The following FBXL7 variants were observed in gnomAD, a reference collection of about 807,000 sequenced individuals.
FBXL7 encodes F-box and leucine rich repeat protein 7, also known as F-box/LRR-repeat protein 7.
In FBXL7, 12 loss-of-function variants were observed where a neutral mutation model predicts 38.3. That is an observed-to-expected ratio of 0.31 (90% CI 0.20 to 0.51). The LOEUF (loss-of-function observed/expected upper bound fraction) is 0.51, where lower values mean the gene tolerates loss of function less well. FBXL7 is among the 20% of genes least tolerant of loss of function. The pLI is 0.98. For synonymous variants in FBXL7, 297 were observed against 300.9 expected (o/e 0.99, Z 0.13); for missense variants, 567 against 676.4 (o/e 0.84, Z 1.79).
rs574611834 is a variant in FBXL7 at position 15,729,468 on chromosome 5, CT to C, written c.127+113403del. On this transcript the variant is annotated intron_variant, in intron 2 of 3. Transcript: ENST00000504595. Reference sequence around the variant, plus strand: ...CATGTAAAATTTCTGTTATTAGCCTCTTTTTTTGACTATGACTTCCTTATAA... The same window carrying C: ...CATGTAAAATTTCTGTTATTAGCCTCTTTTTTGACTATGACTTCCTTATAA... Among the ~76,000 whole-genome samples, 10 of 152,084 alleles carry C rather than the reference CT, an allele frequency of 6.6e-5. No homozygotes were observed. In the South Asian group the frequency reaches 2.1e-3, roughly 32 times the overall value.
chr5:15,670,062 C>T (rs1459202730), intron 2 of FBXL7, among the ~76,000 whole-genome samples: 4 of 152,124 alleles, frequency 2.6e-5, no homozygotes, highest in Admixed American at 2.6e-4. Flanking sequence ...TAGTATGTAG[C>T]AGATGTGTAA....
chr5:15,873,951 C>T (rs1307991687), intron 2 of FBXL7, among the ~76,000 whole-genome samples: 1 of 152,088 alleles, frequency 6.6e-6, no homozygotes, highest in African/African-American at 2.4e-5. Context: ...CAAAACCTGG[C>T]AGAGACACAC....
chr5:15,920,933 A>G (rs945320169), intron 2 of FBXL7, among the ~76,000 whole-genome samples: 1 of 152,184 alleles, frequency 6.6e-6, no homozygotes, highest in African/African-American at 2.4e-5. Context: ...CAAAATATAC[A>G]TCCTATTGCA....
At chr5:15,763,112 T>C (rs779839284) in intron 2 of FBXL7, among the ~76,000 whole-genome samples, 5 of 152,188 alleles carry the variant, frequency 3.3e-5, no homozygotes, top group African/African-American at 7.2e-5. Context: ...TTCTAATTTC[T>C]TGTGGACTTA....
At chr5:15,772,310 TGAACTGTGGA>T (rs1736750094) in intron 2 of FBXL7, among the ~76,000 whole-genome samples, 2 of 152,174 alleles carry the variant, frequency 1.3e-5, no homozygotes, top group African/African-American at 4.8e-5. Flanking sequence ...TCCTGGAAAC[TGAACTGTGGA>T]ATACTTGATG....
chr5:15,665,112 A>G (rs1742226806), intron 2 of FBXL7, among the ~76,000 whole-genome samples: 1 of 152,180 alleles, frequency 6.6e-6, no homozygotes, highest in Non-Finnish European at 1.5e-5. Flanking sequence ...TGCTTTTAAT[A>G]AAAGAGAGAT....
chr5:15,915,992 A>G (rs1034473318), intron 2 of FBXL7, among the ~76,000 whole-genome samples: 3 of 152,194 alleles, frequency 2.0e-5, no homozygotes, highest in African/African-American at 7.2e-5. Context: ...CTAGGGTTCT[A>G]TCCTGGGAGG....
intron 2 of FBXL7, among the ~76,000 whole-genome samples, chr5:15,678,041 C>G (rs1424629228): frequency 6.6e-6 from 1 of 152,118 alleles, no homozygotes; most frequent in Non-Finnish European, 1.5e-5. Flanking sequence ...TCCCATATGT[C>G]CTTCTGTCTC....
rs10080033 is a variant in FBXL7 at position 15,530,316 on chromosome 5, A to G, written c.37+29603A>G. On this transcript the variant is annotated intron_variant, in intron 1 of 3. Coordinates refer to ENST00000504595, the MANE Select transcript of FBXL7 (RefSeq NM_012304.5). ...GGTTACCCTTCTCTATACAAACTCC[A>G]TATTGTTAATGTCCTTCTTGGAATA... Among the ~76,000 whole-genome samples the G allele has an allele frequency of 3.0e-3, 462 of 152,308 alleles. 4 individuals carry two copies. The highest frequency in any genetic ancestry group is 0.02 in the Middle Eastern group (6 of 294).
At chr5:15,671,734 G>A (rs949878141) in intron 2 of FBXL7, among the ~76,000 whole-genome samples, 8 of 152,296 alleles carry the variant, frequency 5.3e-5, no homozygotes, top group Non-Finnish European at 7.4e-5. Context: ...TTTGTCAATG[G>A]TGGTATAATT....
intron 2 of FBXL7, among the ~76,000 whole-genome samples, chr5:15,624,652 G>C (rs1027916377): frequency 6.6e-6 from 1 of 152,098 alleles, no homozygotes. Context: ...CATCATTTTC[G>C]AGCTGTTGTT....
At chr5:15,532,009 A>G (rs1318856195) in intron 1 of FBXL7, among the ~76,000 whole-genome samples, 1 of 152,236 alleles carries the variant, frequency 6.6e-6, no homozygotes, top group Non-Finnish European at 1.5e-5. Flanking sequence ...AATTTTAGTG[A>G]GAATATCATA....
At chr5:15,508,670 G>T (rs1194725659) in intron 1 of FBXL7, among the ~76,000 whole-genome samples, 1 of 152,124 alleles carries the variant, frequency 6.6e-6, no homozygotes. Flanking sequence ...TTGATGAAGG[G>T]TTATTAGTTC....
intron 2 of FBXL7, among the ~76,000 whole-genome samples, chr5:15,668,368 T>TTGTGTGTGTGTGTGTG (rs148728974): frequency 2.7e-5 from 4 of 145,766 alleles, no homozygotes; most frequent in African/African-American, 1.0e-4. Context: ...ATATTTGTGT[T>TTGTGTGTGTGTGTGTG]TGTGTGTGTG....
intron 2 of FBXL7, among the ~76,000 whole-genome samples, chr5:15,721,509 T>A (rs1361973178): frequency 6.6e-6 from 1 of 152,178 alleles, no homozygotes; most frequent in Non-Finnish European, 1.5e-5. Context: ...ATGAAGTTAT[T>A]CATATTCTTT....
chr5:15,818,249 C>T (rs188893027), intron 2 of FBXL7, among the ~76,000 whole-genome samples: 16 of 152,206 alleles, frequency 1.1e-4, no homozygotes, highest in African/African-American at 3.4e-4. Context: ...AACCTGTAGA[C>T]GCTAGAGATA....
chr5:15,859,092 A>G (rs1011967118), intron 2 of FBXL7, among the ~76,000 whole-genome samples: 1 of 152,204 alleles, frequency 6.6e-6, no homozygotes, highest in Non-Finnish European at 1.5e-5. Context: ...GAAGCCATCC[A>G]ATTGTCTGTG....
chr5:15,721,433 A>T (rs886772256), intron 2 of FBXL7, among the ~76,000 whole-genome samples: 1 of 152,162 alleles, frequency 6.6e-6, no homozygotes, highest in Non-Finnish European at 1.5e-5. Flanking sequence ...ATCATAGCAA[A>T]CAAGGTTTCA....
In FBXL7 at chr5:15,567,463, A is replaced by G. The variant is rs960126887; in HGVS notation, c.38-48520A>G. ...TTCTTCTTCACAGTGAAACAGTGTG[A>G]GTTGAATTAATAATTGGAAGAGTGG... is the stretch of plus-strand genomic sequence containing the variant. On this transcript the variant is annotated intron_variant, in intron 1 of 3. Coordinates refer to ENST00000504595, the MANE Select transcript of FBXL7 (RefSeq NM_012304.5). 1.2e-4 allele frequency among the ~76,000 whole-genome samples: 19 copies of G among 152,118 alleles called. 1 individual carries two copies. In the East Asian group the frequency reaches 2.9e-3, roughly 23 times the overall value.
Sources: gnomAD v4.1 joint callset for allele counts (sites outside exome capture counted in the v4.1 genomes callset) on GRCh38, gnomAD v4.1.1 for gene constraint, MANE v1.5 for transcripts, NCBI Gene and HGNC (gene_info 2026-07-23, HGNC 2026-07-21) for gene names.